MVB12B: variants seen among roughly 807,000 people sequenced by gnomAD.
MVB12B encodes multivesicular body subunit 12B, also known as ESCRT-I complex subunit MVB12B.
MVB12B carries 16 observed loss-of-function variants against 41.6 expected under a neutral mutation model. That is an observed-to-expected ratio of 0.38 (90% CI 0.26 to 0.58). MVB12B has a LOEUF of 0.58. MVB12B is among the 20% of genes least tolerant of loss of function. The pLI, the probability that MVB12B is intolerant of heterozygous loss-of-function variation, is 0.62. For missense variants in MVB12B, 274 were observed against 380.2 expected, an observed-to-expected ratio of 0.72 and a Z score of 2.32; for synonymous variants, 133 against 139.7, an observed-to-expected ratio of 0.95 and a Z score of 0.34.
chr9:126,376,645 G>A lies in MVB12B; in HGVS notation c.205-4419G>A. 1.6e-6 allele frequency: 2 copies of A among 1,289,162 alleles called. No individual in the cohort carries two copies. The highest frequency in any genetic ancestry group is 2.0e-6 in the Non-Finnish European group (2 of 988,694). The allele number at this position is 1,289,162 out of a possible 1,614,324, so 79.9% of individuals were successfully genotyped here. On this transcript the variant is annotated intron_variant, in intron 2 of 9. Coordinates refer to ENST00000361171, the MANE Select transcript of MVB12B (RefSeq NM_033446.3). This position sits in a 1 kb window ranked among gnomAD's most constrained non-coding sequence, Gnocchi z 4.1. ...AGAAGGAGGGTAAGCGCGGGTGGCA[G>A]GGAGGGGCCTGCCATTGCCATTCAG...
intron 6 of MVB12B, among the ~76,000 whole-genome samples, chr9:126,412,930 A>T (rs1327810898): frequency 6.6e-6 from 1 of 152,100 alleles, no homozygotes; most frequent in Non-Finnish European, 1.5e-5. Flanking sequence ...GGCTCTCTTC[A>T]TCTATTCGTT....
At chr9:126,373,356 T>C (rs1181904477) in intron 2 of MVB12B, among the ~76,000 whole-genome samples, 1 of 152,214 alleles carries the variant, frequency 6.6e-6, no homozygotes, top group Non-Finnish European at 1.5e-5. Flanking sequence ...GCTGCTCTTA[T>C]TGAGTTTAAG....
At chr9:126,491,420 ATGT>A (rs3052894) in intron 9 of MVB12B, among the ~76,000 whole-genome samples, 22,109 of 152,142 alleles carry the variant, frequency 0.15, 2,110 homozygotes, top group East Asian at 0.5. Flanking sequence ...TGCTTATTAG[ATGT>A]TGAAGAATTT....
chr9:126,386,604 A>G lies in MVB12B; in HGVS notation c.355A>G (p.Ile119Val). ...GTTAGTAGATATGAAGCTCATTGACATCAAGGACACACTGCCTGTGGGCTT... is the reference window on the plus strand; with the variant it reads ...GTTAGTAGATATGAAGCTCATTGACGTCAAGGACACACTGCCTGTGGGCTT... ...NVLVDMKLID[I>V]KDTLPVGFIP... Residue 119 changes from isoleucine (I) to valine (V), a missense_variant, in exon 4 of 10, where the codon ATC (isoleucine) becomes GTC (valine). Transcript: ENST00000361171. The surrounding 1 kb of genome is among the most constrained non-coding windows in gnomAD (Gnocchi z 4.3). 3.7e-6 allele frequency: 6 copies of G among 1,614,180 alleles called. No individual in the cohort carries two copies. The South Asian group carries it at 6.6e-5, about 18-fold the overall frequency.
chr9:126,473,269 C>T lies in MVB12B; in HGVS notation c.758-8100C>T, dbSNP rs565266641. ...GAGCTGCAGCAAAAACTCAGGTCTG[C>T]CAAGCTCCCAGCCCCTCCTTCCCTG... is the stretch of plus-strand genomic sequence containing the variant. On this transcript the variant is annotated intron_variant, in intron 7 of 9. Coordinates refer to ENST00000361171, the MANE Select transcript of MVB12B (RefSeq NM_033446.3). The surrounding 1 kb of genome is among the most constrained non-coding windows in gnomAD (Gnocchi z 4.0). Among the ~76,000 whole-genome samples the T allele has an allele frequency of 6.6e-6, 1 of 152,296 alleles. No homozygotes were observed. Among genetic ancestry groups the T allele is most frequent in the East Asian group, 1.9e-4 (1 of 5,180 alleles).
chr9:126,392,194 G>A lies in MVB12B; in HGVS notation c.538G>A (p.Gly180Arg). The change falls in exon 5 of 10, where the codon GGG becomes AGG. Residue 180 changes from glycine to arginine, a missense_variant and splice_region_variant. Gly to Arg is a moderately radical substitution (Grantham distance 125). Transcript: ENST00000361171. The surrounding 1 kb of genome is among the most constrained non-coding windows in gnomAD (Gnocchi z 4.8). ...GGCCCCGCCTCAGTACACGTTTATTGGGTGAGTCTTAATAACAGGACTGTC... is the reference window on the plus strand; with the variant it reads ...GGCCCCGCCTCAGTACACGTTTATTAGGTGAGTCTTAATAACAGGACTGTC... Reference protein sequence around the residue: ...KQAPPQYTFIGELNSMGIWYR... With the variant: ...KQAPPQYTFIRELNSMGIWYR... The A allele has an allele frequency of 6.2e-7, 1 of 1,614,122 alleles. No individual in the cohort carries two copies. Among genetic ancestry groups the A allele is most frequent in the Non-Finnish European group, 8.5e-7 (1 of 1,179,984 alleles).
intron 7 of MVB12B, among the ~76,000 whole-genome samples, chr9:126,462,723 G>T (rs1833114104): frequency 6.6e-6 from 1 of 152,164 alleles, no homozygotes; most frequent in Non-Finnish European, 1.5e-5. Flanking sequence ...GGTTAGAGTG[G>T]CTGGCTGAAT....
At chr9:126,329,683 C>A (rs1331801759) in intron 1 of MVB12B, among the ~76,000 whole-genome samples, 1 of 152,138 alleles carries the variant, frequency 6.6e-6, no homozygotes, top group Non-Finnish European at 1.5e-5. Context: ...TGCCACACTG[C>A]AAAATAATGA....
In MVB12B at chr9:126,326,924, C is replaced by T. The variant is rs1318068402; in HGVS notation, c.-6C>T. 3 of 264,964 alleles carry T rather than the reference C, an allele frequency of 1.1e-5. No homozygotes were observed. Among genetic ancestry groups the T allele is most frequent in the Non-Finnish European group, 1.5e-5 (2 of 132,064 alleles). The allele number at this position is 264,964 out of a possible 1,614,324, so 16.4% of individuals were successfully genotyped here. A position where few individuals can be genotyped will look rare whatever the true frequency, so the allele number is the denominator to read the frequency against. ...CGGGCCCGGCCCCTCCCGCGCCGCC[C>T]GGGCGATGAGAAGCTGCTTCTGCGT... On this transcript the variant is annotated 5_prime_UTR_variant, in exon 1 of 10. Transcript: ENST00000361171.
intron 7 of MVB12B, among the ~76,000 whole-genome samples, chr9:126,465,094 A>G (rs537223572): frequency 1.3e-5 from 2 of 152,300 alleles, no homozygotes; most frequent in Non-Finnish European, 2.9e-5. Flanking sequence ...ATAAGACTTT[A>G]TGAGTAGAAT....
At chr9:126,472,521 G>T (rs1227367468) in intron 7 of MVB12B, among the ~76,000 whole-genome samples, 1 of 151,080 alleles carries the variant, frequency 6.6e-6, no homozygotes. Context: ...AATAGGGGGT[G>T]GGATTAATAC....
At chr9:126,450,668 A>C (rs966237042) in intron 7 of MVB12B, among the ~76,000 whole-genome samples, 1 of 152,154 alleles carries the variant, frequency 6.6e-6, no homozygotes, top group African/African-American at 2.4e-5. Flanking sequence ...GCTTCACCCA[A>C]ACTCTCTTCA....
At chr9:126,462,566 G>A (rs577423657) in intron 7 of MVB12B, among the ~76,000 whole-genome samples, 1 of 152,188 alleles carries the variant, frequency 6.6e-6, no homozygotes, top group South Asian at 2.1e-4. Flanking sequence ...TTATTATACC[G>A]GATAGTTCAG....
intron 6 of MVB12B, among the ~76,000 whole-genome samples, chr9:126,401,660 C>T (rs760999338): frequency 5.3e-5 from 8 of 152,214 alleles, no homozygotes; most frequent in South Asian, 2.1e-4. Context: ...AAAATCATGC[C>T]GTGGTGATCT....
At chr9:126,465,314 A>G (rs921225811) in intron 7 of MVB12B, among the ~76,000 whole-genome samples, 1 of 152,216 alleles carries the variant, frequency 6.6e-6, no homozygotes, top group Admixed American at 6.5e-5. Flanking sequence ...CTAGTTGCAC[A>G]TTAGAATCAC....
intron 2 of MVB12B, among the ~76,000 whole-genome samples, chr9:126,354,298 G>A (rs934428286): frequency 1.3e-5 from 2 of 152,038 alleles, no homozygotes; most frequent in African/African-American, 4.8e-5. Flanking sequence ...ATCACATTTT[G>A]TTGATATGTT....
At chr9:126,328,418 C>G (rs1829040954) in intron 1 of MVB12B, among the ~76,000 whole-genome samples, 2 of 152,202 alleles carry the variant, frequency 1.3e-5, no homozygotes, top group Admixed American at 1.3e-4. Flanking sequence ...TGCCCTGTCT[C>G]CATCCTGCTA....
chr9:126,334,163 C>T (rs1412960025), intron 1 of MVB12B, among the ~76,000 whole-genome samples: 1 of 152,200 alleles, frequency 6.6e-6, no homozygotes, highest in African/African-American at 2.4e-5. Context: ...GCCCAAGTGG[C>T]TCCGTAGTCA....
Position 126,392,260 on chromosome 9 carries a change from C to A in MVB12B, c.539+65C>A, listed in dbSNP as rs572160866. 8.8e-6 allele frequency: 14 copies of A among 1,582,052 alleles called. No individual in the cohort carries two copies. In the African/African-American group the frequency reaches 1.5e-4, roughly 17 times the overall value. On this transcript the variant is annotated intron_variant, in intron 5 of 9. Transcript: ENST00000361171. This position sits in a 1 kb window ranked among gnomAD's most constrained non-coding sequence, Gnocchi z 4.8. ...CTGAGAGCACTCAGGCCACTCCAGGCAATGAGGTCCAAGAGATTTCCATGC... is the reference window on the plus strand; with the variant it reads ...CTGAGAGCACTCAGGCCACTCCAGGAAATGAGGTCCAAGAGATTTCCATGC...
Sources: gnomAD v4.1 joint callset for allele counts (sites outside exome capture counted in the v4.1 genomes callset) on GRCh38, gnomAD v4.1.1 for gene constraint, Gnocchi (gnomAD v3.1) non-coding constraint, MANE v1.5 for transcripts, NCBI Gene and HGNC (gene_info 2026-07-23, HGNC 2026-07-21) for gene names.